The following DLGAP1 variants were observed in gnomAD, a reference collection of about 807,000 sequenced individuals.
The protein encoded by DLGAP1 is DLG associated protein 1, also known as disks large-associated protein 1.
DLGAP1 carries 11 observed loss-of-function variants against 90.8 expected under a neutral mutation model. That is an observed-to-expected ratio of 0.12 (90% CI 0.08 to 0.20). DLGAP1 has a LOEUF of 0.20. Among genes scored for constraint, DLGAP1 ranks in the 10% least tolerant of loss-of-function variants. The pLI is 1.00. For synonymous variants in DLGAP1, 558 were observed against 540.7 expected (o/e 1.03, Z -0.44); for missense variants, 1,050 against 1,333.8 (o/e 0.79, Z 3.31).
chr18:4,196,416 A>G (rs2077498789), intron 1 of DLGAP1, among the ~76,000 whole-genome samples: 1 of 152,214 alleles, frequency 6.6e-6, no homozygotes, highest in Non-Finnish European at 1.5e-5. Context: ...TGTGGGTGTT[A>G]TTTGCAAAGT....
At chr18:4,288,338 G>A (rs1189842756) in intron 1 of DLGAP1, among the ~76,000 whole-genome samples, 1 of 152,150 alleles carries the variant, frequency 6.6e-6, no homozygotes, top group Non-Finnish European at 1.5e-5. Context: ...TCCCAAAGGA[G>A]TTTCAATTAA....
intron 4 of DLGAP1, among the ~76,000 whole-genome samples, chr18:3,846,357 A>C (rs1161027155): frequency 6.6e-6 from 1 of 152,232 alleles, no homozygotes; most frequent in African/African-American, 2.4e-5. Context: ...ATTTAATAAG[A>C]AATGATAAGG....
At chr18:4,053,713 G>A (rs951021193) in intron 2 of DLGAP1, among the ~76,000 whole-genome samples, 6 of 152,114 alleles carry the variant, frequency 3.9e-5, no homozygotes, top group East Asian at 1.9e-4. Flanking sequence ...CTGCAGAACC[G>A]TGAGCCAATT....
At chr18:4,215,002 G>A (rs2077922920) in intron 1 of DLGAP1, among the ~76,000 whole-genome samples, 1 of 152,084 alleles carries the variant, frequency 6.6e-6, no homozygotes, top group African/African-American at 2.4e-5. Flanking sequence ...AAGAGATAAA[G>A]AGTTCAGGTT....
intron 2 of DLGAP1, among the ~76,000 whole-genome samples, chr18:4,023,403 T>G (rs2074646753): frequency 6.6e-6 from 1 of 152,224 alleles, no homozygotes; most frequent in African/African-American, 2.4e-5. Context: ...GCATTGACTT[T>G]GACTTTCAAG....
chr18:3,626,037 T>C (rs1274113393), intron 7 of DLGAP1, among the ~76,000 whole-genome samples: 1 of 152,204 alleles, frequency 6.6e-6, no homozygotes, highest in Non-Finnish European at 1.5e-5. Flanking sequence ...GGCTCACACC[T>C]GTAATCCCAG....
At chr18:4,061,114 T>G (rs79552619) in intron 2 of DLGAP1, among the ~76,000 whole-genome samples, 1 of 152,108 alleles carries the variant, frequency 6.6e-6, no homozygotes, top group Non-Finnish European at 1.5e-5. Flanking sequence ...ACCTAATACA[T>G]AATTAGAATT....
intron 4 of DLGAP1, among the ~76,000 whole-genome samples, chr18:3,868,919 T>C (rs915133812): frequency 2.7e-4 from 41 of 152,174 alleles, no homozygotes; most frequent in African/African-American, 9.7e-4. Flanking sequence ...CAAGGACATT[T>C]GGTCATCTTC....
intron 4 of DLGAP1, among the ~76,000 whole-genome samples, chr18:3,827,921 A>C (rs2067808886): frequency 1.3e-5 from 2 of 152,182 alleles, no homozygotes; most frequent in African/African-American, 4.8e-5. Context: ...AGACACTGTT[A>C]TTCATCTTCA....
intron 2 of DLGAP1, among the ~76,000 whole-genome samples, chr18:4,016,033 A>G (rs183580958): frequency 6.6e-6 from 1 of 152,236 alleles, no homozygotes; most frequent in Non-Finnish European, 1.5e-5. Flanking sequence ...TAATTTTCCA[A>G]CTTTAAGACT....
At chr18:4,416,671 C>T (rs929776660) in intron 1 of DLGAP1, among the ~76,000 whole-genome samples, 1 of 151,514 alleles carries the variant, frequency 6.6e-6, no homozygotes, top group African/African-American at 2.4e-5. Context: ...GCCAAAGAGG[C>T]TAAGAGATGT....
intron 1 of DLGAP1, among the ~76,000 whole-genome samples, chr18:4,384,999 C>CAGG (rs1420124343): frequency 6.6e-6 from 1 of 152,074 alleles, no homozygotes; most frequent in Non-Finnish European, 1.5e-5. Flanking sequence ...GGCTGTAATG[C>CAGG]CTCCCTAATG....
chr18:3,547,439 A>G (rs894497789), intron 9 of DLGAP1, among the ~76,000 whole-genome samples: 1 of 151,792 alleles, frequency 6.6e-6, no homozygotes, highest in African/African-American at 2.4e-5. Context: ...TAAATAACCC[A>G]ATTAAAAAAT....
chr18:3,862,861 A>T (rs1176705302), intron 4 of DLGAP1, among the ~76,000 whole-genome samples: 2 of 152,268 alleles, frequency 1.3e-5, no homozygotes, highest in Non-Finnish European at 2.9e-5. Context: ...GAGGACAGGC[A>T]TTCAAGCAGG....
intron 4 of DLGAP1, among the ~76,000 whole-genome samples, chr18:3,877,586 A>C (rs76953916): frequency 6.6e-6 from 1 of 152,236 alleles, no homozygotes; most frequent in African/African-American, 2.4e-5. Flanking sequence ...TTATCGAAAT[A>C]CTTTACTTTC....
chr18:4,212,406 C>T (rs560363899), intron 1 of DLGAP1, among the ~76,000 whole-genome samples: 2 of 151,824 alleles, frequency 1.3e-5, no homozygotes, highest in Admixed American at 6.6e-5. Context: ...TGGCTCACAC[C>T]TGTAATCTCA....
intron 4 of DLGAP1, among the ~76,000 whole-genome samples, chr18:3,856,050 G>C (rs974732884): frequency 1.1e-4 from 16 of 152,190 alleles, no homozygotes; most frequent in Admixed American, 7.9e-4. Context: ...CACTTTTCTA[G>C]AGATCACTGG....
intron 2 of DLGAP1, among the ~76,000 whole-genome samples, chr18:4,080,588 C>T (rs888165357): frequency 5.9e-5 from 9 of 152,306 alleles, no homozygotes; most frequent in African/African-American, 2.2e-4. Context: ...AAAAGATTAA[C>T]AGAGTCTGAT....
intron 7 of DLGAP1, among the ~76,000 whole-genome samples, chr18:3,615,566 G>A (rs1230583085): frequency 1.3e-5 from 2 of 152,200 alleles, no homozygotes; most frequent in Non-Finnish European, 2.9e-5. Context: ...GGGCATTGAA[G>A]CAAGTCTGGC....
Sources: allele counts gnomAD v4.1 joint callset (sites outside exome capture counted in the v4.1 genomes callset), GRCh38; gene constraint gnomAD v4.1.1; transcripts MANE v1.5; gene names NCBI Gene and HGNC (gene_info 2026-07-23, HGNC 2026-07-21).